The following TMEM223 variants were observed in gnomAD, a reference collection of about 807,000 sequenced individuals.
TMEM223 encodes the protein transmembrane protein 223.
In TMEM223, 14 loss-of-function variants were observed where a neutral mutation model predicts 14.1. The observed-to-expected ratio is 0.99, with a 90% CI of 0.66 to 1.55. The LOEUF (loss-of-function observed/expected upper bound fraction) is 1.55. TMEM223 is among the 40% of genes most tolerant of loss of function. The pLI is 0.00. For missense variants in TMEM223, 346 were observed against 269.9 expected (o/e 1.28, Z -1.97); for synonymous variants, 145 against 120.5 (o/e 1.20, Z -1.33).
At chr11:62,778,023 G>A (rs201081654) in intron 1 of TMEM223, 20 of 1,614,180 alleles carry the variant, frequency 1.2e-5, no homozygotes, top group East Asian at 2.2e-5. Flanking sequence ...CATGCGCCCC[G>A]CCAGGGAGGG....
chr11:62,790,162 G>C lies in TMEM223; in HGVS notation c.*461C>G. 1 of 1,231,410 alleles carries C rather than the reference G, an allele frequency of 8.1e-7. No homozygotes were observed. 76.3% of individuals were successfully genotyped at this position (1,231,410 alleles called of 1,614,324 possible). A position where few individuals can be genotyped will look rare whatever the true frequency, so the allele number is the denominator to read the frequency against. On this transcript the variant is annotated 3_prime_UTR_variant, in exon 2 of 2. Transcript: ENST00000307366. Reference sequence around the variant, plus strand: ...TTAGTTTTCCTTTCGTTGGGGGGTGGGGGGGAAACATAATGACAGGCCCCC... The same window carrying C: ...TTAGTTTTCCTTTCGTTGGGGGGTGCGGGGGAAACATAATGACAGGCCCCC...
intron 1 of TMEM223, chr11:62,776,521 A>G (rs753977836): frequency 1.3e-6 from 2 of 1,572,192 alleles, no homozygotes; most frequent in South Asian, 1.1e-5. Context: ...GGCCACTTCC[A>G]TGTCCAGTTC....
At chr11:62,788,902 C>A, downstream of TMEM223, 1 of 1,091,058 alleles carries the variant, frequency 9.2e-7, no homozygotes, top group Non-Finnish European at 1.3e-6. Flanking sequence ...TAGGAATTGA[C>A]GGTGCACAAA....
chr11:62,791,569 GC>G (rs373910397), intron 1 of TMEM223, 109 bp downstream of exon 1: 2 of 1,318,108 alleles, frequency 1.5e-6, no homozygotes, highest in Non-Finnish European at 2.0e-6. Context: ...GTGGGGTAAA[GC>G]CCGCCCGCCA....
intron 1 of TMEM223, among the ~76,000 whole-genome samples, chr11:62,779,415 T>C (rs1044578535): frequency 1.3e-5 from 2 of 152,064 alleles, no homozygotes; most frequent in African/African-American, 4.8e-5. Context: ...CAGGATGGTC[T>C]TGATCTCCTG....
chr11:62,789,539 C>T, downstream of TMEM223: 1 of 1,571,380 alleles, frequency 6.4e-7, no homozygotes, highest in East Asian at 2.2e-5. Context: ...GGGCACTGGG[C>T]ACAGGTGTGC....
At chr11:62,781,410 A>G (rs1286924583) in intron 1 of TMEM223, among the ~76,000 whole-genome samples, 2 of 151,836 alleles carry the variant, frequency 1.3e-5, no homozygotes, top group African/African-American at 4.8e-5. Context: ...GCGGTGGCTC[A>G]CGCCTGTAAT....
chr11:62,788,046 A>C (rs1452706546), downstream of TMEM223: 1 of 455,194 alleles, frequency 2.2e-6, no homozygotes, highest in East Asian at 7.0e-5. Flanking sequence ...CTGGTTAATA[A>C]ACATGGGTTC....
intron 1 of TMEM223, chr11:62,778,906 C>T (rs2084206646): frequency 1.9e-6 from 3 of 1,613,940 alleles, no homozygotes; most frequent in Non-Finnish European, 8.5e-7. Context: ...ATGACCTTCT[C>T]AAGTACTATC....
chr11:62,774,982 T>C (rs1004659272), intron 1 of TMEM223, among the ~76,000 whole-genome samples: 4 of 149,932 alleles, frequency 2.7e-5, no homozygotes, highest in Admixed American at 6.7e-5. Flanking sequence ...GATAATTACT[T>C]GAACCCGGGA....
rs1295090478 is a variant in TMEM223, at chr11:62,791,925, G to T, written c.70C>A (p.Pro24Thr). The T allele has an allele frequency of 1.3e-6, 2 of 1,598,308 alleles. No homozygotes were observed. Among genetic ancestry groups the T allele is most frequent in the Non-Finnish European group, 1.7e-6 (2 of 1,173,062 alleles). ...CGTTGCAGCGTCGTGCCTTGCAGGG[G>T]CCGGCAGGTGAGCAGGGGCCGCAGC... ...AVLRPLLTCR[P>T]LQGTTLQRDV... The change falls in exon 1 of 2, where the codon CCC (proline) becomes ACC (threonine). Residue 24 changes from proline (P) to threonine (T), a missense_variant. Transcript: ENST00000307366.
downstream of TMEM223, chr11:62,787,397 C>G (rs750568515): frequency 5.8e-6 from 9 of 1,556,504 alleles, no homozygotes; most frequent in African/African-American, 4.1e-5. Context: ...GGGCGGGGTG[C>G]TGCTGCAGCG....
downstream of TMEM223, chr11:62,789,531 G>C (rs898636781): frequency 2.2e-5 from 34 of 1,580,060 alleles, no homozygotes; most frequent in Non-Finnish European, 2.9e-5. Flanking sequence ...AACTCACAGG[G>C]CACTGGGCAC....
At chr11:62,777,734 G>C (rs1303257139) in intron 1 of TMEM223, among the ~76,000 whole-genome samples, 1 of 152,298 alleles carries the variant, frequency 6.6e-6, no homozygotes, top group East Asian at 1.9e-4. Flanking sequence ...TTGGTGTGGG[G>C]CTCAGGACCC....
Position 62,791,965 on chromosome 11 carries a change from C to T in TMEM223, c.30G>A (p.Thr10=), listed in dbSNP as rs375107993. The change falls in exon 1 of 2, where the codon ACG becomes ACA. Residue 10 remains threonine (T), a synonymous_variant. Transcript: ENST00000307366. MAAPWRRWP[T]GLLAVLRPLL... Reference sequence around the variant, plus strand: ...GGGGCCGCAGCACGGCTAGCAGCCCCGTGGGCCATCGCCTCCAAGGCGCCG... The same window carrying T: ...GGGGCCGCAGCACGGCTAGCAGCCCTGTGGGCCATCGCCTCCAAGGCGCCG... 3 of 1,565,142 alleles carry T rather than the reference C, an allele frequency of 1.9e-6. No homozygotes were observed. The highest frequency in any genetic ancestry group is 1.4e-5 in the African/African-American group (1 of 73,824).
intron 1 of TMEM223, 62 bp downstream of exon 1, chr11:62,791,617 A>G (rs912079922): frequency 2.1e-6 from 3 of 1,457,610 alleles, no homozygotes; most frequent in African/African-American, 2.8e-5. Context: ...CCCTGCCTGT[A>G]TAGGGAAGGT....
rs1057126384 is a variant in TMEM223 at position 62,790,563 on chromosome 11, C to G, written c.*60G>C. 4.1e-6 allele frequency: 6 copies of G among 1,478,440 alleles called. No homozygotes were observed. Among genetic ancestry groups the G allele is most frequent in the Non-Finnish European group, 5.5e-6 (6 of 1,091,984 alleles). 91.6% of individuals were successfully genotyped at this position (1,478,440 alleles called of 1,614,324 possible). Reference sequence around the variant, plus strand: ...AACAGGTGTGAACCAACACACCTGGCTCCCCAAGGTTCAGTTTTTATCCTC... The same window carrying G: ...AACAGGTGTGAACCAACACACCTGGGTCCCCAAGGTTCAGTTTTTATCCTC... On this transcript the variant is annotated 3_prime_UTR_variant, in exon 2 of 2. Coordinates refer to ENST00000307366, the MANE Select transcript of TMEM223 (RefSeq NM_001080501.3).
chr11:62,786,668 G>A, downstream of TMEM223: 1 of 1,611,852 alleles, frequency 6.2e-7, no homozygotes, highest in Non-Finnish European at 8.5e-7. Flanking sequence ...GCAGAACCCA[G>A]CTTTGGGTCC....
chr11:62,775,870 C>T (rs754808841), intron 1 of TMEM223: 8 of 1,613,844 alleles, frequency 5.0e-6, no homozygotes, highest in African/African-American at 2.7e-5. Flanking sequence ...TGGAGCTGAG[C>T]GATGAGGTGG....
Sources: gnomAD v4.1 joint callset for allele counts (sites outside exome capture counted in the v4.1 genomes callset) on GRCh38, gnomAD v4.1.1 for gene constraint, MANE v1.5 for transcripts, NCBI Gene and HGNC (gene_info 2026-07-23, HGNC 2026-07-21) for gene names.